SELENON: variants seen among roughly 807,000 people sequenced by gnomAD.
SELENON encodes selenoprotein N.
In SELENON, 44 loss-of-function variants were observed where a neutral mutation model predicts 59.5. That is an observed-to-expected ratio of 0.74 (90% CI 0.58 to 0.95). The LOEUF is 0.95. Among genes scored for constraint, SELENON ranks in the 40% least tolerant of loss-of-function variants. The pLI, the probability that SELENON is intolerant of heterozygous loss-of-function variation, is 0.00. For missense variants in SELENON, 674 were observed against 721.4 expected (o/e 0.93, Z 0.75); for synonymous variants, 320 against 305.6 (o/e 1.05, Z -0.49).
Position 25,811,743 on chromosome 1 carries a change from A to G in SELENON, c.1145A>G (p.Asp382Gly). 6.2e-7 allele frequency: 1 copy of G among 1,602,526 alleles called. No individual in the cohort carries two copies. Reference sequence around the variant, plus strand: ...GTGCCCTCCGTGATCCTGGATGAGGATGGCAGCATGATCGACAGCCACCTG... The same window carrying G: ...GTGCCCTCCGTGATCCTGGATGAGGGTGGCAGCATGATCGACAGCCACCTG... Residue 382 changes from aspartate (D) to glycine (G), a missense_variant, in exon 9 of 13, where the codon GAT becomes GGT. Physicochemically the swap from Asp to Gly is moderately conservative, Grantham distance 94. Transcript: ENST00000361547.
intron 7 of SELENON, among the ~76,000 whole-genome samples, chr1:25,811,139 C>T (rs549783050): frequency 2.9e-4 from 44 of 152,334 alleles, no homozygotes; most frequent in African/African-American, 1.1e-3. Flanking sequence ...CGCCTTGAGG[C>T]ACTGGCCATC....
chr1:25,801,813 A>G (rs1316703808), intron 2 of SELENON, among the ~76,000 whole-genome samples: 1 of 152,168 alleles, frequency 6.6e-6, no homozygotes. Context: ...CATGTTTAAT[A>G]GTCTGAGAGA....
rs2047849231 is a variant in SELENON, at chr1:25,800,297, C to T, written c.67C>T (p.Pro23Ser). 4.0e-6 allele frequency: 4 copies of T among 992,904 alleles called. 1 individual carries two copies. Among genetic ancestry groups the T allele is most frequent in the South Asian group, 8.5e-5 (2 of 23,474 alleles). The allele number at this position is 992,904 out of a possible 1,614,324, so 61.5% of individuals were successfully genotyped here. The stretch of plus-strand genomic sequence containing the variant: ...CGGCCCCGCCGCGCAGCCTCCCGCG[C>T]CACCGCGCCGCCGCGCCCGTTCCCT... Residue 23 changes from proline to serine, a missense_variant, in exon 1 of 13, where the codon CCA (proline) becomes TCA (serine). By Grantham distance (74) the Pro-to-Ser change is moderately conservative. Transcript: ENST00000361547.
chr1:25,808,293 GCTGCGCCTGGGTGGGCT>G (rs2047924994), intron 4 of SELENON, among the ~76,000 whole-genome samples: 1 of 131,682 alleles, frequency 7.6e-6, no homozygotes, highest in African/African-American at 2.9e-5. Context: ...TCTGGCCTGG[GCTGCGCCTGGGTGGGCT>G]GTGCCTGGGT....
chr1:25,809,791 C>T lies in SELENON; in HGVS notation c.981C>T (p.Arg327=), dbSNP rs147587542. 0.038 allele frequency: 61,601 copies of T among 1,613,980 alleles called. 1,486 individuals carry two copies. The highest frequency in any genetic ancestry group is 0.047 in the Non-Finnish European group (55,174 of 1,180,000). The change falls in exon 7 of 13, where the codon CGC becomes CGT. Residue 327 remains arginine, a synonymous_variant. Transcript: ENST00000361547. ...TCTCCAAAGACGCCACCCACGTCCG[C>T]GACTTCCGGCTCTTCGTGCCCAACC...
rs1198379415 is a variant in SELENON at position 25,814,100 on chromosome 1, C to G, written c.1524C>G (p.His508Gln). ...AGAACAACCAGGAGAACTCGTCCCA[C>G]CAGAAGCTGGCTGGCCTGCACCTGG... The change falls in exon 12 of 13, where the codon CAC (histidine) becomes CAG (glutamine). Residue 508 changes from histidine to glutamine, a missense_variant. Physicochemically the swap from His to Gln is conservative, Grantham distance 24 (BLOSUM62 0). Transcript: ENST00000361547. The G allele has an allele frequency of 6.2e-7, 1 of 1,614,160 alleles. No individual in the cohort carries two copies. Among genetic ancestry groups the G allele is most frequent in the East Asian group, 2.2e-5 (1 of 44,880 alleles).
intron 2 of SELENON, among the ~76,000 whole-genome samples, chr1:25,801,586 T>C (rs902035380): frequency 1.3e-5 from 2 of 152,036 alleles, no homozygotes; most frequent in African/African-American, 4.8e-5. Context: ...CTAGAGGCCA[T>C]GAGGCAGAGG....
At chr1:25,805,692 C>T (rs1019173357) in intron 4 of SELENON, among the ~76,000 whole-genome samples, 2 of 152,062 alleles carry the variant, frequency 1.3e-5, no homozygotes, top group Non-Finnish European at 2.9e-5. Context: ...CTCTTCCCCA[C>T]GGGGCATAGC....
In SELENON at chr1:25,815,528, T is replaced by C. The variant is rs757337056; in HGVS notation, c.1603-20T>C. The C allele has an allele frequency of 6.2e-7, 1 of 1,613,502 alleles. No individual in the cohort carries two copies. Among genetic ancestry groups the C allele is most frequent in the East Asian group, 2.2e-5 (1 of 44,862 alleles). Reference sequence around the variant, plus strand: ...GGGGCCCCCCTCCGCCCCACTTGCCTCACCCGGCCCTTCTCCCAGGTCCAT... The same window carrying C: ...GGGGCCCCCCTCCGCCCCACTTGCCCCACCCGGCCCTTCTCCCAGGTCCAT... On this transcript the variant is annotated intron_variant, in intron 12 of 12. Transcript: ENST00000361547.
intron 3 of SELENON, among the ~76,000 whole-genome samples, chr1:25,804,324 A>T (rs1467691112): frequency 6.6e-6 from 1 of 152,016 alleles, no homozygotes; most frequent in Non-Finnish European, 1.5e-5. Flanking sequence ...CTGGTTGAGA[A>T]CTGCTTTAAT....
chr1:25,804,090 C>T (rs1212610315), intron 3 of SELENON, among the ~76,000 whole-genome samples: 4 of 152,150 alleles, frequency 2.6e-5, no homozygotes, highest in Non-Finnish European at 5.9e-5. Context: ...TTGCTCCCTT[C>T]TTCTTGGGTT....
rs1319548424 is a variant in SELENON, at chr1:25,808,655, C to T, written c.613C>T (p.His205Tyr). The T allele has an allele frequency of 3.1e-6, 5 of 1,613,904 alleles. No individual in the cohort carries two copies. The African/African-American group carries it at 6.7e-5, about 22-fold the overall frequency. The change falls in exon 5 of 13, where the codon CAC (histidine) becomes TAC (tyrosine). Residue 205 changes from histidine (H) to tyrosine (Y), a missense_variant. Transcript: ENST00000361547. ...ACCAAGTGCAGTGTTTGCCACCCGC[C>T]ACTTCCAGCCCTTCCTTCCCCCGCC...
intron 4 of SELENON, among the ~76,000 whole-genome samples, chr1:25,806,595 G>A (rs1281399340): frequency 2.0e-5 from 3 of 152,132 alleles, no homozygotes; most frequent in African/African-American, 7.2e-5. Flanking sequence ...TGTAGGCGGG[G>A]AGGGAGTAGG....
chr1:25,800,397 A>C lies in SELENON; in HGVS notation c.167A>C (p.Gln56Pro), dbSNP rs1358854954. 8.3e-6 allele frequency: 9 copies of C among 1,089,962 alleles called. No homozygotes were observed. Among genetic ancestry groups the C allele is most frequent in the Non-Finnish European group, 8.9e-6 (8 of 898,088 alleles). The allele number at this position is 1,089,962 out of a possible 1,614,324, so 67.5% of individuals were successfully genotyped here. A position where few individuals can be genotyped will look rare whatever the true frequency, so the allele number is the denominator to read the frequency against. The change falls in exon 1 of 13, where the codon CAG becomes CCG. Residue 56 changes from glutamine to proline, a missense_variant. Physicochemically the swap from Gln to Pro is moderately conservative, Grantham distance 76. Coordinates refer to ENST00000361547, the MANE Select transcript of SELENON (RefSeq NM_020451.3). ...GTCTGCGCCCGCCACGCCGAGGCCC[A>C]GGCGGCCGCGCGGCAGGTCCGGGCC... is the stretch of plus-strand genomic sequence containing the variant.
At chr1:25,801,566 G>A (rs2047861114) in intron 2 of SELENON, among the ~76,000 whole-genome samples, 1 of 152,112 alleles carries the variant, frequency 6.6e-6, no homozygotes. Context: ...AGGCTGAGGT[G>A]GGAGGATCAC....
At chr1:25,800,778 G>A (rs1215265833) in intron 1 of SELENON, among the ~76,000 whole-genome samples, 13 of 151,972 alleles carry the variant, frequency 8.6e-5, no homozygotes, top group Non-Finnish European at 1.5e-5. Flanking sequence ...GAGGAACAGG[G>A]CCAAGCAGCC....
At chr1:25,801,619 C>T (rs2047861369) in intron 2 of SELENON, among the ~76,000 whole-genome samples, 1 of 152,138 alleles carries the variant, frequency 6.6e-6, no homozygotes, top group Non-Finnish European at 1.5e-5. Context: ...GACATCACAC[C>T]ACTGCACTCC....
At chr1:25,812,572 C>CAG (rs2047973852) in intron 9 of SELENON, 115 bp from the exon 9 acceptor site, 1 of 368,744 alleles carries the variant, frequency 2.7e-6, no homozygotes, top group Non-Finnish European at 4.8e-6. Flanking sequence ...CAAACACACA[C>CAG]ACACACACAC....
chr1:25,806,700 C>T (rs1427332488), intron 4 of SELENON, among the ~76,000 whole-genome samples: 1 of 152,042 alleles, frequency 6.6e-6, no homozygotes, highest in African/African-American at 2.4e-5. Context: ...TGGCAGTGCC[C>T]AACTCTAGAG....
Sources: allele counts gnomAD v4.1 joint callset (sites outside exome capture counted in the v4.1 genomes callset), GRCh38; gene constraint gnomAD v4.1.1; transcripts MANE v1.5; gene names NCBI Gene and HGNC (gene_info 2026-07-23, HGNC 2026-07-21).